The following GFI1 variants were observed in gnomAD, a reference collection of about 807,000 sequenced individuals.
GFI1 encodes growth factor independent 1 transcriptional repressor.
Under a neutral mutation model 39.2 loss-of-function variants are expected in GFI1, and 15 were observed. The ratio of observed to expected loss-of-function variants is 0.38; its 90% CI spans 0.26 to 0.59. GFI1 has a LOEUF of 0.59. GFI1 is among the 20% of genes least tolerant of loss of function. GFI1 has a pLI of 0.62. For missense variants in GFI1, 475 were observed against 574.0 expected (o/e 0.83, Z 1.76); for synonymous variants, 239 against 254.3 (o/e 0.94, Z 0.57).
At chr1:92,485,957 G>C (rs1014125078) in intron 1 of GFI1, 4 of 152,324 alleles carry the variant, frequency 2.6e-5, no homozygotes, top group African/African-American at 9.6e-5. Context: ...TGCTCTGCGA[G>C]TCCCCGCGGC....
rs1461867349 is a variant in GFI1, at chr1:92,482,151, G to A, written c.298+713C>T. 6.6e-6 allele frequency among the ~76,000 whole-genome samples: 1 copy of A among 152,120 alleles called. No homozygotes were observed. Among genetic ancestry groups the A allele is most frequent in the Non-Finnish European group, 1.5e-5 (1 of 68,034 alleles). ...AGTCAACTCACTGATTGTGGGACGGGTGGTGGTATCTTCTAAAACTAGCAA... is the reference window on the plus strand; with the variant it reads ...AGTCAACTCACTGATTGTGGGACGGATGGTGGTATCTTCTAAAACTAGCAA... On this transcript the variant is annotated intron_variant, in intron 3 of 6. Transcript: ENST00000294702. This position sits in a 1 kb window ranked among gnomAD's most constrained non-coding sequence, Gnocchi z 4.4.
intron 6 of GFI1, among the ~76,000 whole-genome samples, chr1:92,477,283 G>A (rs1258240610): frequency 6.6e-6 from 1 of 152,182 alleles, no homozygotes; most frequent in Non-Finnish European, 1.5e-5. Flanking sequence ...ATTCAGTCAA[G>A]ATCCTAGTTG....
At position 92,482,128 on chromosome 1, in the gene GFI1, T is replaced by A. The variant is rs1344971984; in HGVS notation, c.298+736A>T. Reference sequence around the variant, plus strand: ...TGCTGGAGCTATGGTTTTCGCCAAGTCAACTCACTGATTGTGGGACGGGTG... The same window carrying A: ...TGCTGGAGCTATGGTTTTCGCCAAGACAACTCACTGATTGTGGGACGGGTG... On this transcript the variant is annotated intron_variant, in intron 3 of 6. Transcript: ENST00000294702. The surrounding 1 kb of genome is among the most constrained non-coding windows in gnomAD (Gnocchi z 4.4). 6.6e-6 allele frequency among the ~76,000 whole-genome samples: 1 copy of A among 152,098 alleles called. No individual in the cohort carries two copies. Among genetic ancestry groups the A allele is most frequent in the Admixed American group, 6.6e-5 (1 of 15,264 alleles).
At chr1:92,485,619 A>G (rs1476068398) in intron 1 of GFI1, among the ~76,000 whole-genome samples, 2 of 152,142 alleles carry the variant, frequency 1.3e-5, no homozygotes, top group Non-Finnish European at 2.9e-5. Flanking sequence ...CCCGCGCTGC[A>G]GCTGGCGCGG....
rs1394282247 is a variant in GFI1 at position 92,482,173 on chromosome 1, G to GCTTATATC, written c.298+690_298+691insGATATAAG. ...CGGGTGGTGGTATCTTCTAAAACTA[G>GCTTATATC]CAAACATATTCTGGATATAACCGGC... On this transcript the variant is annotated intron_variant, in intron 3 of 6. Transcript: ENST00000294702. This position sits in a 1 kb window ranked among gnomAD's most constrained non-coding sequence, Gnocchi z 4.4. Among the ~76,000 whole-genome samples, 8 of 152,010 alleles carry GCTTATATC rather than the reference G, an allele frequency of 5.3e-5. No homozygotes were observed. Among genetic ancestry groups the GCTTATATC allele is most frequent in the African/African-American group, 1.7e-4 (7 of 41,390 alleles).
Position 92,482,614 on chromosome 1 carries a change from C to T in GFI1, c.298+250G>A, listed in dbSNP as rs577080692. ...TTTGTTTTCCGTCACTGGCCAGCTCCGCGCAAACGAATCTAAGCGACAAGC... is the reference window on the plus strand; with the variant it reads ...TTTGTTTTCCGTCACTGGCCAGCTCTGCGCAAACGAATCTAAGCGACAAGC... On this transcript the variant is annotated intron_variant, in intron 3 of 6. Transcript: ENST00000294702. This position sits in a 1 kb window ranked among gnomAD's most constrained non-coding sequence, Gnocchi z 4.4. Among the ~76,000 whole-genome samples the T allele has an allele frequency of 1.3e-4, 20 of 152,208 alleles. No individual in the cohort carries two copies. Among genetic ancestry groups the T allele is most frequent in the Non-Finnish European group, 2.4e-4 (16 of 68,042 alleles).
In GFI1 at chr1:92,480,214, A is replaced by C; in HGVS notation, c.924+134T>G. On this transcript the variant is annotated intron_variant, in intron 5 of 6. Coordinates refer to ENST00000294702, the MANE Select transcript of GFI1 (RefSeq NM_005263.5). This position sits in a 1 kb window ranked among gnomAD's most constrained non-coding sequence, Gnocchi z 5.6. ...CACCTGCACCAGGGCAAGGGGACGC[A>C]GCGGAGGGCTTGGGGGAGGAAACTG... The C allele has an allele frequency of 1.0e-6, 1 of 992,698 alleles. No homozygotes were observed. The highest frequency in any genetic ancestry group is 1.5e-6 in the Non-Finnish European group (1 of 660,674). 61.5% of individuals were successfully genotyped at this position (992,698 alleles called of 1,614,324 possible).
Position 92,475,988 on chromosome 1 carries a change from T to G in GFI1, c.*41A>C, listed in dbSNP as rs760959517. The stretch of plus-strand genomic sequence containing the variant: ...GGTGGCAAGCAGGGAGGCTGCCCTC[T>G]GTAGTGTTGTGTAGCTGCTGCTTGC... On this transcript the variant is annotated 3_prime_UTR_variant, in exon 7 of 7. Transcript: ENST00000294702. 2.5e-6 allele frequency: 4 copies of G among 1,590,086 alleles called. No individual in the cohort carries two copies. The Admixed American group carries it at 6.8e-5, about 27-fold the overall frequency.
chr1:92,476,560 C>G (rs1439121962), intron 6 of GFI1, among the ~76,000 whole-genome samples: 1 of 152,196 alleles, frequency 6.6e-6, no homozygotes, highest in Admixed American at 6.5e-5. Context: ...ACACTCAGAG[C>G]AGATGTTCAA....
Position 92,475,310 on chromosome 1 carries a change from T to G in GFI1, c.*719A>C, listed in dbSNP as rs1380751856. Reference sequence around the variant, plus strand: ...TTGCTTGTGCTTTTACCTCCAGTGATGAGGTTTTCACAGCCCTACTGAAGG... The same window carrying G: ...TTGCTTGTGCTTTTACCTCCAGTGAGGAGGTTTTCACAGCCCTACTGAAGG... On this transcript the variant is annotated 3_prime_UTR_variant, in exon 7 of 7. Transcript: ENST00000294702. The G allele has an allele frequency of 6.6e-6, 1 of 152,656 alleles. No individual in the cohort carries two copies. The highest frequency in any genetic ancestry group is 2.4e-5 in the African/African-American group (1 of 41,440). The allele number at this position is 152,656 out of a possible 1,614,324, so 9.5% of individuals were successfully genotyped here.
In GFI1 at chr1:92,473,829, C is replaced by T. The variant is rs1026061708; in HGVS notation, c.*2200G>A. ...TCAGTAAATATTTATTAATCTCCTA[C>T]TGTGTGCCAGGCACTATTCTGGGAA... is the stretch of plus-strand genomic sequence containing the variant. On this transcript the variant is annotated 3_prime_UTR_variant, in exon 7 of 7. Coordinates refer to ENST00000294702, the MANE Select transcript of GFI1 (RefSeq NM_005263.5). Among the ~76,000 whole-genome samples the T allele has an allele frequency of 5.3e-5, 8 of 152,216 alleles. No individual in the cohort carries two copies. The highest frequency in any genetic ancestry group is 4.6e-4 in the Admixed American group (7 of 15,276).
At chr1:92,483,337 G>T (rs1658370920) in intron 2 of GFI1, 36 bp downstream of exon 2, 5 of 1,199,738 alleles carry the variant, frequency 4.2e-6, no homozygotes, top group Non-Finnish European at 6.2e-6. Flanking sequence ...AGGCATCCGG[G>T]GGAGCAGCCC....
chr1:92,480,196 A>G lies in GFI1; in HGVS notation c.924+152T>C. ...AATCCTCCTTTCCCTACACACCTGCACCAGGGCAAGGGGACGCAGCGGAGG... is the reference window on the plus strand; with the variant it reads ...AATCCTCCTTTCCCTACACACCTGCGCCAGGGCAAGGGGACGCAGCGGAGG... On this transcript the variant is annotated intron_variant, in intron 5 of 6. Transcript: ENST00000294702. The surrounding 1 kb of genome is among the most constrained non-coding windows in gnomAD (Gnocchi z 5.6). 1 of 876,552 alleles carries G rather than the reference A, an allele frequency of 1.1e-6. No individual in the cohort carries two copies. Among genetic ancestry groups the G allele is most frequent in the South Asian group, 1.6e-5 (1 of 63,706 alleles). The allele number at this position is 876,552 out of a possible 1,614,324, so 54.3% of individuals were successfully genotyped here. A position where few individuals can be genotyped will look rare whatever the true frequency, so the allele number is the denominator to read the frequency against.
rs575393960 is a variant in GFI1 at position 92,478,423 on chromosome 1, G to A, written c.1090+165C>T. 1.9e-3 allele frequency among the ~76,000 whole-genome samples: 294 copies of A among 152,258 alleles called. 1 individual carries two copies. The highest frequency in any genetic ancestry group is 6.5e-3 in the African/African-American group (269 of 41,564). On this transcript the variant is annotated intron_variant, in intron 6 of 6. Transcript: ENST00000294702. ...AGGTGGCTCTGGGGAGAATTATGCC[G>A]GTAAATGAACCAAAGAACCCACCCC...
Position 92,481,233 on chromosome 1 carries a change from C to T in GFI1, c.299-145G>A. 1 of 773,958 alleles carries T rather than the reference C, an allele frequency of 1.3e-6. No individual in the cohort carries two copies. The highest frequency in any genetic ancestry group is 2.2e-6 in the Non-Finnish European group (1 of 460,280). The allele number at this position is 773,958 out of a possible 1,614,324, so 47.9% of individuals were successfully genotyped here. On this transcript the variant is annotated intron_variant, in intron 3 of 6. Transcript: ENST00000294702. This position sits in a 1 kb window ranked among gnomAD's most constrained non-coding sequence, Gnocchi z 4.3. ...CTGCGTGCGCCAGGTGCCAGGCTCGCCCCAGGGTAAAACGTGGCCCGGGCC... is the reference window on the plus strand; with the variant it reads ...CTGCGTGCGCCAGGTGCCAGGCTCGTCCCAGGGTAAAACGTGGCCCGGGCC...
rs573402585 is a variant in GFI1, at chr1:92,480,519, A to G, written c.787-34T>C. 1 of 1,548,060 alleles carries G rather than the reference A, an allele frequency of 6.5e-7. No homozygotes were observed. Among genetic ancestry groups the G allele is most frequent in the South Asian group, 1.2e-5 (1 of 83,974 alleles). On this transcript the variant is annotated intron_variant, in intron 4 of 6. Coordinates refer to ENST00000294702, the MANE Select transcript of GFI1 (RefSeq NM_005263.5). This position sits in a 1 kb window ranked among gnomAD's most constrained non-coding sequence, Gnocchi z 5.6. ...GGTGGGGCCAGAGAGAAGGCCGCTGAGAGGGGCCGCGGGGCGCAGGCGAGG... is the reference window on the plus strand; with the variant it reads ...GGTGGGGCCAGAGAGAAGGCCGCTGGGAGGGGCCGCGGGGCGCAGGCGAGG...
chr1:92,485,586 G>C (rs1658490687), intron 1 of GFI1, among the ~76,000 whole-genome samples: 1 of 152,146 alleles, frequency 6.6e-6, no homozygotes, highest in African/African-American at 2.4e-5. Flanking sequence ...CCGGGGCCTG[G>C]GCCGAGCGCG....
chr1:92,485,809 C>A (rs1371959164), intron 1 of GFI1, among the ~76,000 whole-genome samples: 1 of 152,234 alleles, frequency 6.6e-6, no homozygotes, highest in Non-Finnish European at 1.5e-5. Flanking sequence ...GCCTGCTGCG[C>A]GCCCCCAGCT....
rs1010182264 is a variant in GFI1 at position 92,474,320 on chromosome 1, G to A, written c.*1709C>T. Among the ~76,000 whole-genome samples the A allele has an allele frequency of 6.6e-6, 1 of 152,192 alleles. No individual in the cohort carries two copies. The highest frequency in any genetic ancestry group is 2.4e-5 in the African/African-American group (1 of 41,454). ...TTACTTGATCAAGGAAACCAGTATC[G>A]GGGAAGTCAAAAGATTTACACAAGT... On this transcript the variant is annotated 3_prime_UTR_variant, in exon 7 of 7. Coordinates refer to ENST00000294702, the MANE Select transcript of GFI1 (RefSeq NM_005263.5).
Sources: gnomAD v4.1 joint callset for allele counts (sites outside exome capture counted in the v4.1 genomes callset) on GRCh38, gnomAD v4.1.1 for gene constraint, Gnocchi (gnomAD v3.1) non-coding constraint, MANE v1.5 for transcripts, NCBI Gene and HGNC (gene_info 2026-07-23, HGNC 2026-07-21) for gene names.